CADM2: variants seen among roughly 807,000 people sequenced by gnomAD.
CADM2 encodes immunoglobulin superfamily member 4D.
In CADM2, 12 loss-of-function variants were observed where a neutral mutation model predicts 49.8. The ratio of observed to expected loss-of-function variants is 0.24; its 90% CI spans 0.15 to 0.39. CADM2 has a LOEUF of 0.39. Among genes scored for constraint, CADM2 ranks in the 10% least tolerant of loss-of-function variants. The pLI is 1.00. For synonymous variants in CADM2, 214 were observed against 175.4 expected (o/e 1.22, Z -1.74); for missense variants, 378 against 492.3 (o/e 0.77, Z 2.20).
intron 1 of CADM2, among the ~76,000 whole-genome samples, chr3:85,603,248 C>T (rs2107408616): frequency 6.6e-6 from 1 of 152,012 alleles, no homozygotes; most frequent in East Asian, 1.9e-4. Flanking sequence ...TGTTGAGACT[C>T]TCTTTCCAGG....
rs2030232244 is a variant in CADM2 at position 84,959,518 on chromosome 3, G to A, written c.-90G>A. On this transcript the variant is annotated 5_prime_UTR_variant, in exon 1 of 10. Transcript: ENST00000383699. ...GTGGGTCCGGCGGGCGCCGGGAGGA[G>A]GACACCAGCGGAGCCCTGCACTCTC... 9.4e-6 allele frequency: 12 copies of A among 1,281,370 alleles called. No individual in the cohort carries two copies. In the South Asian group the frequency reaches 1.3e-4, roughly 14 times the overall value. The allele number at this position is 1,281,370 out of a possible 1,614,324, so 79.4% of individuals were successfully genotyped here.
At chr3:86,020,650 G>T (rs1733029287) in intron 8 of CADM2, among the ~76,000 whole-genome samples, 1 of 151,926 alleles carries the variant, frequency 6.6e-6, no homozygotes, top group African/African-American at 2.4e-5. Flanking sequence ...TTATCAAGTG[G>T]GCTTCATCCC....
chr3:85,752,428 C>A (rs2107864874), intron 2 of CADM2, among the ~76,000 whole-genome samples: 1 of 151,228 alleles, frequency 6.6e-6, no homozygotes, highest in South Asian at 2.1e-4. Context: ...CTCCTCCCTT[C>A]TCTTTTCTTC....
At chr3:85,959,533 CA>C (rs1372360159) in intron 7 of CADM2, among the ~76,000 whole-genome samples, 8 of 151,804 alleles carry the variant, frequency 5.3e-5, no homozygotes, top group African/African-American at 1.7e-4. Flanking sequence ...CATCTCAGAG[CA>C]AAAGATTCTC....
chr3:85,785,749 TATTTAAGC>T, intron 2 of CADM2, among the ~76,000 whole-genome samples: 1 of 152,240 alleles, frequency 6.6e-6, no homozygotes, highest in African/African-American at 2.4e-5. Flanking sequence ...CTTTGGAGTC[TATTTAAGC>T]ATTTTTGTCT....
intron 2 of CADM2, among the ~76,000 whole-genome samples, chr3:85,729,185 C>T (rs1330819515): frequency 6.6e-6 from 1 of 152,064 alleles, no homozygotes; most frequent in African/African-American, 2.4e-5. Flanking sequence ...TGGCACTGTA[C>T]ATACTTCATT....
intron 1 of CADM2, among the ~76,000 whole-genome samples, chr3:85,036,036 C>G (rs1422276385): frequency 1.3e-5 from 2 of 152,158 alleles, no homozygotes; most frequent in African/African-American, 4.8e-5. Flanking sequence ...CTATGTATCA[C>G]TATCCCTCAT....
intron 1 of CADM2, among the ~76,000 whole-genome samples, chr3:85,450,044 C>A (rs1324536129): frequency 6.6e-6 from 1 of 152,118 alleles, no homozygotes; most frequent in African/African-American, 2.4e-5. Context: ...AACAAGACTG[C>A]AAAGTTGTTC....
intron 2 of CADM2, among the ~76,000 whole-genome samples, chr3:85,784,560 A>G (rs1240371187): frequency 1.3e-5 from 2 of 150,624 alleles, no homozygotes; most frequent in East Asian, 1.9e-4. Flanking sequence ...CTATCTATCT[A>G]TCTATCTATC....
intron 2 of CADM2, among the ~76,000 whole-genome samples, chr3:85,744,591 C>T (rs377053386): frequency 1.3e-5 from 2 of 151,670 alleles, no homozygotes; most frequent in South Asian, 2.1e-4. Context: ...AATGAGAAGA[C>T]GATGTTTGGA....
chr3:84,973,570 A>G (rs2031612797), intron 1 of CADM2, among the ~76,000 whole-genome samples: 1 of 152,182 alleles, frequency 6.6e-6, no homozygotes, highest in Non-Finnish European at 1.5e-5. Flanking sequence ...GTGGTCCAGA[A>G]CAGTGGGTGA....
At chr3:85,709,991 T>C (rs114382962) in intron 1 of CADM2, among the ~76,000 whole-genome samples, 256 of 152,272 alleles carry the variant, frequency 1.7e-3, no homozygotes, top group African/African-American at 5.9e-3. Flanking sequence ...GGAAAGTGTG[T>C]TACCTGAGTA....
At chr3:84,971,149 C>T (rs1250713117) in intron 1 of CADM2, among the ~76,000 whole-genome samples, 1 of 152,046 alleles carries the variant, frequency 6.6e-6, no homozygotes, top group Non-Finnish European at 1.5e-5. Flanking sequence ...AAGAAAGAAA[C>T]ACCTTTACCT....
intron 2 of CADM2, among the ~76,000 whole-genome samples, chr3:85,732,391 A>G (rs2107799192): frequency 6.6e-6 from 1 of 152,322 alleles, no homozygotes; most frequent in Non-Finnish European, 1.5e-5. Context: ...GATCTAAGGA[A>G]ATATGTGTCA....
At chr3:85,701,892 GA>G (rs1388683348) in intron 1 of CADM2, among the ~76,000 whole-genome samples, 90 of 150,184 alleles carry the variant, frequency 6.0e-4, no homozygotes, top group African/African-American at 2.1e-3. Context: ...TAGATAGATA[GA>G]TAGATAGATA....
chr3:85,204,715 T>C (rs2041590591), intron 1 of CADM2, among the ~76,000 whole-genome samples: 1 of 152,186 alleles, frequency 6.6e-6, no homozygotes, highest in African/African-American at 2.4e-5. Flanking sequence ...CTGTGTTCTA[T>C]GTTTTGCTAG....
intron 1 of CADM2, among the ~76,000 whole-genome samples, chr3:85,543,201 T>A (rs915016375): frequency 6.6e-6 from 1 of 151,384 alleles, no homozygotes; most frequent in Non-Finnish European, 1.5e-5. Flanking sequence ...CCTTGCCTCC[T>A]ACACCCATAT....
intron 1 of CADM2, among the ~76,000 whole-genome samples, chr3:85,446,411 G>A (rs913840424): frequency 3.3e-5 from 5 of 152,052 alleles, no homozygotes; most frequent in East Asian, 1.9e-4. Context: ...GCATCTTTCC[G>A]AATGATGAGT....
chr3:85,479,704 C>T (rs565082036), intron 1 of CADM2, among the ~76,000 whole-genome samples: 2 of 152,022 alleles, frequency 1.3e-5, no homozygotes, highest in South Asian at 4.1e-4. Flanking sequence ...CTTGTCAGAG[C>T]TATCTTTATA....
Sources: allele counts gnomAD v4.1 joint callset (sites outside exome capture counted in the v4.1 genomes callset), GRCh38; gene constraint gnomAD v4.1.1; transcripts MANE v1.5; gene names NCBI Gene and HGNC (gene_info 2026-07-23, HGNC 2026-07-21).